The following TBC1D19 variants were observed in gnomAD, a reference collection of about 807,000 sequenced individuals.
TBC1D19 encodes the protein TBC1 domain family member 19, also known as TBC1 domain family, member 19.
TBC1D19 carries 60 observed loss-of-function variants against 89.0 expected under a neutral mutation model. That is an observed-to-expected ratio of 0.67 (90% CI 0.55 to 0.84). The LOEUF is 0.84. TBC1D19 is among the 40% of genes least tolerant of loss of function. The pLI is 0.00. For missense variants in TBC1D19, 500 were observed against 610.8 expected (o/e 0.82, Z 1.91); for synonymous variants, 189 against 199.7 (o/e 0.95, Z 0.45).
chr4:26,578,221 T>C (rs563314998), intron 1 of TBC1D19, among the ~76,000 whole-genome samples: 4 of 152,336 alleles, frequency 2.6e-5, no homozygotes, highest in African/African-American at 9.6e-5. Flanking sequence ...AGCTCCTTGC[T>C]GTGCCTGCAC....
chr4:26,627,172 G>C (rs1384932983), intron 4 of TBC1D19, among the ~76,000 whole-genome samples: 1 of 151,652 alleles, frequency 6.6e-6, no homozygotes, highest in Non-Finnish European at 1.5e-5. Flanking sequence ...AGTTTACTGA[G>C]AATGATGATT....
intron 4 of TBC1D19, among the ~76,000 whole-genome samples, chr4:26,627,121 T>C (rs1276319758): frequency 2.0e-5 from 3 of 151,910 alleles, no homozygotes; most frequent in African/African-American, 4.8e-5. Context: ...TTCCCACCTA[T>C]GAGTGAGAAC....
the TBC1D19 span, among the ~76,000 whole-genome samples, chr4:26,800,163 A>C: frequency 2.0e-5 from 3 of 151,928 alleles, no homozygotes; most frequent in Admixed American, 1.3e-4. Flanking sequence ...CCGTCTCCCC[A>C]CCCCACAACA....
upstream of TBC1D19, among the ~76,000 whole-genome samples, chr4:26,580,560 C>T (rs1739045013): frequency 6.6e-6 from 1 of 152,242 alleles, no homozygotes; most frequent in East Asian, 1.9e-4. Flanking sequence ...TCGTTTGTTC[C>T]CAAAGACAGT....
At chr4:26,593,398 C>T (rs1039840914) in intron 1 of TBC1D19, among the ~76,000 whole-genome samples, 1 of 152,122 alleles carries the variant, frequency 6.6e-6, no homozygotes, top group African/African-American at 2.4e-5. Flanking sequence ...AGAAGAAAAC[C>T]TAGGCAATAC....
At chr4:26,595,154 T>C (rs1740128710) in intron 1 of TBC1D19, among the ~76,000 whole-genome samples, 1 of 152,234 alleles carries the variant, frequency 6.6e-6, no homozygotes, top group African/African-American at 2.4e-5. Context: ...TTGTGATATC[T>C]TATTATTTTA....
chr4:26,735,502 A>G lies in TBC1D19; in HGVS notation c.1117+15A>G. ...TTCAATGTATGGTAAGTTGGGCTTT[A>G]AAAACATCATAATGTACACAAAACA... On this transcript the variant is annotated intron_variant, in intron 16 of 20. Transcript: ENST00000264866. 1.3e-6 allele frequency: 2 copies of G among 1,558,360 alleles called. No individual in the cohort carries two copies. Among genetic ancestry groups the G allele is most frequent in the East Asian group, 2.3e-5 (1 of 43,790 alleles).
intron 1 of TBC1D19, among the ~76,000 whole-genome samples, chr4:26,578,257 G>A (rs1027635149): frequency 2.6e-5 from 4 of 152,152 alleles, no homozygotes; most frequent in African/African-American, 9.7e-5. Context: ...CAAATTACTG[G>A]GCCTCTGACA....
intron 3 of TBC1D19, among the ~76,000 whole-genome samples, chr4:26,616,175 A>G (rs1057382566): frequency 6.6e-6 from 1 of 152,166 alleles, no homozygotes; most frequent in African/African-American, 2.4e-5. Context: ...TTCATTACCG[A>G]TAAAGACTAG....
the TBC1D19 span, among the ~76,000 whole-genome samples, chr4:26,782,043 G>A: frequency 1.3e-5 from 2 of 152,104 alleles, no homozygotes; most frequent in African/African-American, 4.8e-5. Flanking sequence ...TGAATGTTTT[G>A]GTGTATTTCT....
the TBC1D19 span, among the ~76,000 whole-genome samples, chr4:26,853,311 T>G: frequency 9.8e-5 from 15 of 152,312 alleles, no homozygotes; most frequent in African/African-American, 3.1e-4. Context: ...TCTCATTTTG[T>G]TCAGGTCAAA....
At chr4:26,596,886 C>A (rs1740258243) in intron 1 of TBC1D19, among the ~76,000 whole-genome samples, 1 of 152,076 alleles carries the variant, frequency 6.6e-6, no homozygotes, top group Admixed American at 6.5e-5. Context: ...AATTTCCAAG[C>A]AATTGAGATA....
At chr4:26,703,736 G>A (rs1715509165) in intron 13 of TBC1D19, among the ~76,000 whole-genome samples, 1 of 151,510 alleles carries the variant, frequency 6.6e-6, no homozygotes, top group African/African-American at 2.4e-5. Context: ...GGTGGATCAC[G>A]AGGTCAGGAG....
At chr4:26,825,103 AT>A in the TBC1D19 span, among the ~76,000 whole-genome samples, 40,296 of 144,358 alleles carry the variant, frequency 0.28, 5,011 homozygotes, top group East Asian at 0.39. Flanking sequence ...ATAATTTAGG[AT>A]TTTTTTTTTT....
intron 10 of TBC1D19, among the ~76,000 whole-genome samples, chr4:26,673,446 T>TATACACACAC (rs373807642): frequency 6.3e-4 from 57 of 90,868 alleles, no homozygotes; most frequent in African/African-American, 1.1e-3. Flanking sequence ...TATATATATA[T>TATACACACAC]ACACACACAC....
the TBC1D19 span, among the ~76,000 whole-genome samples, chr4:26,823,143 C>T: frequency 1.3e-3 from 197 of 152,346 alleles, no homozygotes; most frequent in African/African-American, 4.3e-3. Context: ...GAGCAAGTCA[C>T]ATCTTACATG....
At chr4:26,642,335 C>T (rs144763406) in intron 7 of TBC1D19, among the ~76,000 whole-genome samples, 1,626 of 152,248 alleles carry the variant, frequency 0.011, 17 homozygotes, top group African/African-American at 0.033. Flanking sequence ...AACTAAGCTT[C>T]GTAAGTGAAG....
chr4:26,635,595 T>C (rs2110068964), intron 4 of TBC1D19, among the ~76,000 whole-genome samples: 1 of 152,274 alleles, frequency 6.6e-6, no homozygotes. Flanking sequence ...TTCAGAAGAA[T>C]TTTTTCTGTT....
At chr4:26,740,096 A>G in intron 17 of TBC1D19, 123 bp downstream of exon 17, 1 of 486,518 alleles carries the variant, frequency 2.1e-6, no homozygotes, top group Middle Eastern at 3.2e-4. Context: ...ATGTCAAGCA[A>G]TGTGTTTTTA....
Sources: allele counts gnomAD v4.1 joint callset (sites outside exome capture counted in the v4.1 genomes callset), GRCh38; gene constraint gnomAD v4.1.1; transcripts MANE v1.5; gene names NCBI Gene and HGNC (gene_info 2026-07-23, HGNC 2026-07-21).